SEMA3E: variants seen among roughly 807,000 people sequenced by gnomAD.
SEMA3E encodes the protein semaphorin 3E.
In SEMA3E, 49 loss-of-function variants were observed where a neutral mutation model predicts 93.6. The observed-to-expected ratio is 0.52, with a 90% CI of 0.42 to 0.66. The LOEUF (loss-of-function observed/expected upper bound fraction) is 0.66. Ranked by LOEUF, SEMA3E falls within the 30% of genes least tolerant of loss-of-function variation. The pLI is 0.00. For synonymous variants in SEMA3E, 363 were observed against 330.7 expected (o/e 1.10, Z -1.06); for missense variants, 906 against 964.8 (o/e 0.94, Z 0.81).
intron 16 of SEMA3E, among the ~76,000 whole-genome samples, chr7:83,380,712 C>T (rs73707805): frequency 0.041 from 6,294 of 151,990 alleles, 191 homozygotes; most frequent in African/African-American, 0.08. Context: ...TATCTGTTTG[C>T]ACTCTTGTCT....
At chr7:83,616,573 T>C in intron 1 of SEMA3E, 1 of 313,804 alleles carries the variant, frequency 3.2e-6, no homozygotes, top group South Asian at 2.5e-5. Flanking sequence ...AGTGCAACTT[T>C]CCCCTGAAAC....
At chr7:83,422,384 A>G (rs973755502) in intron 4 of SEMA3E, among the ~76,000 whole-genome samples, 2 of 152,188 alleles carry the variant, frequency 1.3e-5, no homozygotes, top group African/African-American at 2.4e-5. Context: ...CAATGACATG[A>G]GAATAAGTTT....
At chr7:83,625,546 A>C (rs1793652980) in intron 1 of SEMA3E, among the ~76,000 whole-genome samples, 2 of 152,180 alleles carry the variant, frequency 1.3e-5, no homozygotes, top group South Asian at 4.2e-4. Context: ...TGATTTTTGC[A>C]CATTATTTTG....
At chr7:83,446,555 G>A (rs1789234247) in intron 4 of SEMA3E, among the ~76,000 whole-genome samples, 1 of 152,164 alleles carries the variant, frequency 6.6e-6, no homozygotes, top group Non-Finnish European at 1.5e-5. Context: ...TGACAGCTGA[G>A]GATGAAGATC....
At chr7:83,387,885 T>C (rs931483463) in intron 14 of SEMA3E, among the ~76,000 whole-genome samples, 12 of 146,750 alleles carry the variant, frequency 8.2e-5, no homozygotes, top group African/African-American at 2.7e-4. Context: ...TATGTTTATA[T>C]ATATATAACA....
At chr7:83,566,715 G>A (rs2115853549) in intron 1 of SEMA3E, among the ~76,000 whole-genome samples, 1 of 152,192 alleles carries the variant, frequency 6.6e-6, no homozygotes, top group South Asian at 2.1e-4. Context: ...TAATCTGGAA[G>A]CTAAAGAATG....
At chr7:83,639,123 AAAAAAAAAAAAAAAAAAC>A (rs1022117971) in intron 1 of SEMA3E, among the ~76,000 whole-genome samples, 4 of 138,744 alleles carry the variant, frequency 2.9e-5, no homozygotes, top group Non-Finnish European at 6.3e-5. Flanking sequence ...AAAAAAAAAA[AAAAAAAAAAAAAAAAAAC>A]AGAGATTCCT....
At chr7:83,606,866 C>T (rs1793133322) in intron 1 of SEMA3E, among the ~76,000 whole-genome samples, 1 of 151,246 alleles carries the variant, frequency 6.6e-6, no homozygotes, top group South Asian at 2.1e-4. Flanking sequence ...TATTAAATTA[C>T]AAAATGAGAT....
At chr7:83,417,588 A>G (rs1303602377) in intron 5 of SEMA3E, among the ~76,000 whole-genome samples, 1 of 152,108 alleles carries the variant, frequency 6.6e-6, no homozygotes, top group Non-Finnish European at 1.5e-5. Context: ...GAATCTCTCA[A>G]CGCTGAGGGA....
intron 1 of SEMA3E, among the ~76,000 whole-genome samples, chr7:83,610,520 T>A (rs904017622): frequency 2.0e-5 from 3 of 152,156 alleles, no homozygotes; most frequent in African/African-American, 7.2e-5. Context: ...AATGCTGCTC[T>A]GCAATTTTAC....
At chr7:83,424,130 T>C (rs1050933191) in intron 4 of SEMA3E, among the ~76,000 whole-genome samples, 1 of 152,298 alleles carries the variant, frequency 6.6e-6, no homozygotes, top group East Asian at 1.9e-4. Flanking sequence ...TAACAATAGA[T>C]GGTTAATAAT....
rs536403216 is a variant in SEMA3E, at chr7:83,391,680, A to G, written c.1667+875T>C. On this transcript the variant is annotated intron_variant, in intron 14 of 16. Transcript: ENST00000643230. ...GTTTTGAATTAGTGAAGTTTTAATG[A>G]GATTCTGCTATATATTTGAACCTAT... Among the ~76,000 whole-genome samples, 5 of 152,250 alleles carry G rather than the reference A, an allele frequency of 3.3e-5. No individual in the cohort carries two copies. In the South Asian group the frequency reaches 1.0e-3, roughly 32 times the overall value.
intron 1 of SEMA3E, among the ~76,000 whole-genome samples, chr7:83,577,344 T>G (rs1387049258): frequency 6.6e-6 from 1 of 152,140 alleles, no homozygotes; most frequent in East Asian, 1.9e-4. Context: ...AGTTTATGCT[T>G]TCAATAATCA....
At chr7:83,405,175 G>T (rs776022593) in intron 9 of SEMA3E, among the ~76,000 whole-genome samples, 3 of 151,974 alleles carry the variant, frequency 2.0e-5, no homozygotes, top group Non-Finnish European at 4.4e-5. Flanking sequence ...AAATCACTGT[G>T]TTCTAGATTA....
chr7:83,450,945 C>G (rs1789347187), intron 4 of SEMA3E, among the ~76,000 whole-genome samples: 1 of 152,138 alleles, frequency 6.6e-6, no homozygotes, highest in South Asian at 2.1e-4. Context: ...GTTCCCCACC[C>G]TAATCTCATC....
intron 2 of SEMA3E, among the ~76,000 whole-genome samples, chr7:83,469,516 T>C (rs956435568): frequency 5.9e-5 from 9 of 152,142 alleles, no homozygotes; most frequent in African/African-American, 9.7e-5. Context: ...AATCCTTTTT[T>C]TTCTTGAATA....
chr7:83,607,351 T>A (rs966208110), intron 1 of SEMA3E, among the ~76,000 whole-genome samples: 1 of 152,202 alleles, frequency 6.6e-6, no homozygotes, highest in African/African-American at 2.4e-5. Flanking sequence ...TCTTCTCCAC[T>A]CACTCACTGA....
intron 1 of SEMA3E, among the ~76,000 whole-genome samples, chr7:83,572,671 A>G (rs191862275): frequency 4.3e-4 from 66 of 152,154 alleles, no homozygotes; most frequent in Non-Finnish European, 7.4e-4. Context: ...AAACAAAAAA[A>G]ACAGATACAT....
intron 4 of SEMA3E, among the ~76,000 whole-genome samples, chr7:83,430,171 A>C (rs1243816796): frequency 6.6e-6 from 1 of 152,174 alleles, no homozygotes; most frequent in Admixed American, 6.5e-5. Flanking sequence ...TTAACATAGA[A>C]AAGCCAAAAT....
Sources: allele counts gnomAD v4.1 joint callset (sites outside exome capture counted in the v4.1 genomes callset), GRCh38; gene constraint gnomAD v4.1.1; transcripts MANE v1.5; gene names NCBI Gene and HGNC (gene_info 2026-07-23, HGNC 2026-07-21).